The following DDI2 variants were observed in gnomAD, a reference collection of about 807,000 sequenced individuals.
DDI2 encodes DDI proteasomal shuttling factor 2, also known as protein DDI1 homolog 2.
DDI2 carries 5 observed loss-of-function variants against 48.1 expected under a neutral mutation model. That is an observed-to-expected ratio of 0.10 (90% CI 0.05 to 0.22). The LOEUF (loss-of-function observed/expected upper bound fraction) is 0.22. Among genes scored for constraint, DDI2 ranks in the 10% least tolerant of loss-of-function variants. DDI2 has a pLI of 1.00. For synonymous variants in DDI2, 205 were observed against 183.6 expected (o/e 1.12, Z -0.94); for missense variants, 285 against 506.2 (o/e 0.56, Z 4.19).
chr1:15,638,322 G>A lies in DDI2; in HGVS notation c.648G>A (p.Glu216=). The A allele has an allele frequency of 6.2e-7, 1 of 1,613,890 alleles. No homozygotes were observed. Residue 216 remains glutamate (E), a synonymous_variant, in exon 5 of 10, where the codon GAG becomes GAA. Coordinates refer to ENST00000480945, the MANE Select transcript of DDI2 (RefSeq NM_032341.5). Reference sequence around the variant, plus strand: ...TCTGTTACAGGCAACAGAACATTGAGGAAAACATGACAATAGCTATGGAAG... The same window carrying A: ...TCTGTTACAGGCAACAGAACATTGAAGAAAACATGACAATAGCTATGGAAG... ...IEEDIRQQNI[E]ENMTIAMEEA...
intron 3 of DDI2, among the ~76,000 whole-genome samples, chr1:15,631,694 A>G (rs185435027): frequency 1.1e-4 from 17 of 152,118 alleles, no homozygotes; most frequent in Admixed American, 2.6e-4. Context: ...TTTCTAGTCA[A>G]TCTCCTCTCC....
intron 9 of DDI2, among the ~76,000 whole-genome samples, chr1:15,657,997 C>A (rs1041819655): frequency 6.6e-6 from 1 of 152,068 alleles, no homozygotes; most frequent in African/African-American, 2.4e-5. Context: ...TGATTTAAAG[C>A]CTTTTGAATA....
At chr1:15,638,536 T>TC in intron 5 of DDI2, 102 bp downstream of exon 5, 1 of 1,228,882 alleles carries the variant, frequency 8.1e-7, no homozygotes. Flanking sequence ...TGTACTTTTT[T>TC]TTTTTTTTTT....
chr1:15,661,598 T>C lies in DDI2; in HGVS notation c.*1808T>C, dbSNP rs562590048. ...CCATTGATTTTTCCTGCCACAGATA[T>C]TGACCGCATTCTCCGTGCTGGCTTT... On this transcript the variant is annotated 3_prime_UTR_variant, in exon 10 of 10. Coordinates refer to ENST00000480945, the MANE Select transcript of DDI2 (RefSeq NM_032341.5). The C allele has an allele frequency of 1.2e-5, 20 of 1,614,174 alleles. No individual in the cohort carries two copies. Among genetic ancestry groups the C allele is most frequent in the East Asian group, 1.1e-4 (5 of 44,892 alleles).
chr1:15,639,576 G>C (rs546175492), intron 5 of DDI2, among the ~76,000 whole-genome samples: 13 of 152,164 alleles, frequency 8.5e-5, no homozygotes, highest in Admixed American at 2.6e-4. Flanking sequence ...TGATCCTCCA[G>C]CCTCAGCCTC....
chr1:15,633,144 G>A (rs780946395), intron 3 of DDI2, among the ~76,000 whole-genome samples: 1 of 151,826 alleles, frequency 6.6e-6, no homozygotes, highest in Non-Finnish European at 1.5e-5. Flanking sequence ...GCCCAGGCTG[G>A]TCTCGAACTC....
In DDI2 at chr1:15,660,939, AGAACTTCAT is replaced by A. The variant is rs1557626070; in HGVS notation, c.*1156_*1164del. 5 of 1,613,340 alleles carry A rather than the reference AGAACTTCAT, an allele frequency of 3.1e-6. No individual in the cohort carries two copies. In the African/African-American group the frequency reaches 5.3e-5, roughly 17 times the overall value. ...GCCCGTCTATAACGGCAGCCTTGAA[AGAACTTCAT>A]GAACTTTTGGTTGTTAGCAGTAAAC... On this transcript the variant is annotated 3_prime_UTR_variant, in exon 10 of 10. Coordinates refer to ENST00000480945, the MANE Select transcript of DDI2 (RefSeq NM_032341.5).
chr1:15,641,847 C>G (rs773070133), intron 5 of DDI2, among the ~76,000 whole-genome samples: 2 of 149,802 alleles, frequency 1.3e-5, no homozygotes, highest in Non-Finnish European at 3.0e-5. Context: ...CCCAGCTACT[C>G]GGGAGGCTGA....
In DDI2 at chr1:15,660,901, G is replaced by A. The variant is rs376489424; in HGVS notation, c.*1111G>A. The A allele has an allele frequency of 1.5e-5, 25 of 1,613,846 alleles. No homozygotes were observed. Among genetic ancestry groups the A allele is most frequent in the Non-Finnish European group, 1.9e-5 (23 of 1,179,988 alleles). Reference sequence around the variant, plus strand: ...CAGTTGTCAGCCTTCTGTGGAGTCAGCAGAAGAATCTTGCCCGTCTATAAC... The same window carrying A: ...CAGTTGTCAGCCTTCTGTGGAGTCAACAGAAGAATCTTGCCCGTCTATAAC... On this transcript the variant is annotated 3_prime_UTR_variant, in exon 10 of 10. Transcript: ENST00000480945.
chr1:15,644,877 G>A (rs56057412), intron 6 of DDI2, among the ~76,000 whole-genome samples: 47,153 of 150,470 alleles, frequency 0.31, 8,048 homozygotes, highest in African/African-American at 0.43. Flanking sequence ...ACAGGCGTGA[G>A]CCACCGCTCC....
At chr1:15,629,429 C>G (rs2103464382) in intron 2 of DDI2, among the ~76,000 whole-genome samples, 1 of 152,034 alleles carries the variant, frequency 6.6e-6, no homozygotes, top group African/African-American at 2.4e-5. Flanking sequence ...AATCCCATCT[C>G]TACTAAAAAT....
rs751857898 is a variant in DDI2, at chr1:15,617,648, C to T, written c.-23C>T. ...CGCGCCCAGGCCGGGCCGAGCCGAG[C>T]CGAGCCGGGTCGGGCCCGGGCCATG... On this transcript the variant is annotated 5_prime_UTR_variant, in exon 1 of 10. Coordinates refer to ENST00000480945, the MANE Select transcript of DDI2 (RefSeq NM_032341.5). 30 of 1,399,770 alleles carry T rather than the reference C, an allele frequency of 2.1e-5. No individual in the cohort carries two copies. Among genetic ancestry groups the T allele is most frequent in the African/African-American group, 2.9e-5 (2 of 68,152 alleles). The allele number at this position is 1,399,770 out of a possible 1,614,324, so 86.7% of individuals were successfully genotyped here.
chr1:15,657,430 T>C (rs1640288667), intron 9 of DDI2, among the ~76,000 whole-genome samples: 1 of 152,200 alleles, frequency 6.6e-6, no homozygotes, highest in Non-Finnish European at 1.5e-5. Context: ...CTTGTAAGGA[T>C]AGGTTAAAAG....
Position 15,626,647 on chromosome 1 carries a change from T to A in DDI2, c.139-22T>A, listed in dbSNP as rs367661237. 3.4e-4 allele frequency: 543 copies of A among 1,614,050 alleles called. 2 individuals are homozygous for A. The highest frequency in any genetic ancestry group is 4.3e-4 in the Non-Finnish European group (508 of 1,180,014). Reference sequence around the variant, plus strand: ...GTTACTTCTCAGTGCTTTATACTGTTGTATATCTTTTCTTGTTGTAGATCG... The same window carrying A: ...GTTACTTCTCAGTGCTTTATACTGTAGTATATCTTTTCTTGTTGTAGATCG... On this transcript the variant is annotated intron_variant, in intron 1 of 9. Coordinates refer to ENST00000480945, the MANE Select transcript of DDI2 (RefSeq NM_032341.5).
intron 6 of DDI2, among the ~76,000 whole-genome samples, chr1:15,647,726 C>G (rs1186548452): frequency 1.3e-5 from 2 of 151,984 alleles, no homozygotes; most frequent in Non-Finnish European, 2.9e-5. Flanking sequence ...CTTTGAGAGG[C>G]CAAGGTGGGC....
In DDI2 at chr1:15,666,130, A is replaced by G. The variant is rs1339020949; in HGVS notation, c.*6340A>G. On this transcript the variant is annotated 3_prime_UTR_variant, in exon 10 of 10. Transcript: ENST00000480945. Reference sequence around the variant, plus strand: ...TACTCTTAACAACAAATTAAATTCAAAGCCTGTCCTTGAGAACTGGAAATG... The same window carrying G: ...TACTCTTAACAACAAATTAAATTCAGAGCCTGTCCTTGAGAACTGGAAATG... 4 of 152,250 alleles carry G rather than the reference A, an allele frequency of 2.6e-5. No homozygotes were observed. The highest frequency in any genetic ancestry group is 9.6e-5 in the African/African-American group (4 of 41,460). 9.4% of individuals were successfully genotyped at this position (152,250 alleles called of 1,614,324 possible).
Position 15,662,581 on chromosome 1 carries a change from A to G in DDI2, c.*2791A>G, listed in dbSNP as rs779022994. ...GAATTTGCTAGAGTTTGGGTTTGCT[A>G]GCATCTCACTGATAACACCTCAACC... On this transcript the variant is annotated 3_prime_UTR_variant, in exon 10 of 10. Transcript: ENST00000480945. 6.6e-6 allele frequency: 1 copy of G among 152,226 alleles called. No individual in the cohort carries two copies. The allele number at this position is 152,226 out of a possible 1,614,324, so 9.4% of individuals were successfully genotyped here. A position where few individuals can be genotyped will look rare whatever the true frequency, so the allele number is the denominator to read the frequency against.
rs145247051 is a variant in DDI2 at position 15,665,867 on chromosome 1, T to A, written c.*6077T>A. The stretch of plus-strand genomic sequence containing the variant: ...ACTGCTGCATATTTCAAACCTGTTA[T>A]CACTGGCAGTGTGTCCCAAGAGAAG... On this transcript the variant is annotated 3_prime_UTR_variant, in exon 10 of 10. Transcript: ENST00000480945. 1.5e-3 allele frequency: 231 copies of A among 152,262 alleles called. No homozygotes were observed. Among genetic ancestry groups the A allele is most frequent in the African/African-American group, 5.5e-3 (227 of 41,560 alleles). 9.4% of individuals were successfully genotyped at this position (152,262 alleles called of 1,614,324 possible). A position where few individuals can be genotyped will look rare whatever the true frequency, so the allele number is the denominator to read the frequency against.
At chr1:15,630,186 A>G in intron 2 of DDI2, 139 bp from the exon 3 acceptor site, 1 of 772,604 alleles carries the variant, frequency 1.3e-6, no homozygotes, top group Admixed American at 2.3e-5. Flanking sequence ...CAGAGTCATC[A>G]TGAGAAAGAA....
Sources: allele counts gnomAD v4.1 joint callset (sites outside exome capture counted in the v4.1 genomes callset), GRCh38; gene constraint gnomAD v4.1.1; transcripts MANE v1.5; gene names NCBI Gene and HGNC (gene_info 2026-07-23, HGNC 2026-07-21).